The following FER1L6 variants were observed in gnomAD, a reference collection of about 807,000 sequenced individuals.
The protein encoded by FER1L6 is fer-1 like family member 6, also known as fer-1-like protein 6.
Under a neutral mutation model 219.2 loss-of-function variants are expected in FER1L6, and 177 were observed. The observed-to-expected ratio is 0.81, with a 90% CI of 0.71 to 0.91. FER1L6 has a LOEUF of 0.91. FER1L6 is among the 40% of genes least tolerant of loss of function. The probability of loss-of-function intolerance (pLI) is 0.00; values close to 1 mark genes in which losing one functional copy is unlikely to be tolerated. For synonymous variants in FER1L6, 768 were observed against 824.3 expected, an observed-to-expected ratio of 0.93 and a Z score of 1.17; for missense variants, 2,153 against 2,259.9, an observed-to-expected ratio of 0.95 and a Z score of 0.96.
intron 17 of FER1L6, 22 bp from the exon 18 acceptor site, chr8:124,023,422 C>G: frequency 6.2e-7 from 1 of 1,608,132 alleles, no homozygotes; most frequent in African/African-American, 1.3e-5. Context: ...CTATTCAATC[C>G]CAACTCCCTC....
chr8:123,937,238 T>C (rs1366769995), intron 1 of FER1L6, among the ~76,000 whole-genome samples: 1 of 152,218 alleles, frequency 6.6e-6, no homozygotes, highest in African/African-American at 2.4e-5. Context: ...GCTCACTCTA[T>C]CCTAATTCAC....
intron 1 of FER1L6, among the ~76,000 whole-genome samples, chr8:123,895,148 A>T (rs767556106): frequency 3.3e-5 from 5 of 152,256 alleles, no homozygotes; most frequent in Non-Finnish European, 7.3e-5. Context: ...CATGACCTGT[A>T]TCAAGTAATG....
rs776645473 is a variant in FER1L6 at position 124,070,596 on chromosome 8, A to C, written c.3964A>C (p.Lys1322Gln). The C allele has an allele frequency of 2.5e-5, 39 of 1,580,034 alleles. No homozygotes were observed. In the East Asian group the frequency reaches 8.8e-4, roughly 36 times the overall value. Residue 1322 changes from lysine (K) to glutamine (Q), a missense_variant and splice_region_variant, in exon 30 of 41, where the codon AAG becomes CAG. Physicochemically the swap from Lys to Gln is moderately conservative, Grantham distance 53. Transcript: ENST00000522917. ...LDGDRVIGKF[K>Q]GSFCIYKSPQ... Reference sequence around the variant, plus strand: ...TGGAGACCGAGTCATAGGAAAATTTAAGGCAGGTTCCATTTTTAATCCTTT... The same window carrying C: ...TGGAGACCGAGTCATAGGAAAATTTCAGGCAGGTTCCATTTTTAATCCTTT...
chr8:124,090,316 C>T (rs1821975939), intron 33 of FER1L6, among the ~76,000 whole-genome samples: 1 of 152,164 alleles, frequency 6.6e-6, no homozygotes, highest in Non-Finnish European at 1.5e-5. Flanking sequence ...TTTCCAAGTG[C>T]CTGAGAGAAT....
At chr8:124,088,891 T>C (rs536177447) in intron 33 of FER1L6, among the ~76,000 whole-genome samples, 1 of 152,046 alleles carries the variant, frequency 6.6e-6, no homozygotes, top group Admixed American at 6.5e-5. Flanking sequence ...AAAATCCTCT[T>C]TGCTCTTCCT....
chr8:124,089,952 C>T (rs1821955660), intron 33 of FER1L6, among the ~76,000 whole-genome samples: 1 of 152,098 alleles, frequency 6.6e-6, no homozygotes, highest in Non-Finnish European at 1.5e-5. Context: ...AATTTGCCTT[C>T]CTGAATTTTA....
chr8:124,095,086 T>G, intron 35 of FER1L6, 48 bp downstream of exon 35: 1 of 1,606,200 alleles, frequency 6.2e-7, no homozygotes, highest in Non-Finnish European at 8.5e-7. Flanking sequence ...TTGTGTACTG[T>G]AGAGTAATGG....
intron 1 of FER1L6, among the ~76,000 whole-genome samples, chr8:123,866,005 C>T (rs139758266): frequency 0.011 from 1,549 of 142,268 alleles, 103 homozygotes; most frequent in African/African-American, 0.04. Flanking sequence ...TGGCTCCTCC[C>T]CCCCACATTT....
At chr8:124,049,847 C>T in intron 22 of FER1L6, 91 bp downstream of exon 22, 5 of 1,328,768 alleles carry the variant, frequency 3.8e-6, no homozygotes, top group Non-Finnish European at 4.3e-6. Context: ...GAAGCTGTGC[C>T]TGATCCCTCG....
chr8:123,905,110 A>G lies in FER1L6; in HGVS notation c.-7-50882A>G, dbSNP rs1247136120. Among the ~76,000 whole-genome samples the G allele has an allele frequency of 3.3e-4, 50 of 152,190 alleles. 1 individual carries two copies. The highest frequency in any genetic ancestry group is 2.9e-5 in the Non-Finnish European group (2 of 68,030). Reference sequence around the variant, plus strand: ...ATTTTTTTTTATTTTAAGTTCCAGGAAACATGTGCAAGACGTGCAGGTTTG... The same window carrying G: ...ATTTTTTTTTATTTTAAGTTCCAGGGAACATGTGCAAGACGTGCAGGTTTG... On this transcript the variant is annotated intron_variant, in intron 1 of 40. Transcript: ENST00000522917.
chr8:123,902,156 T>C (rs1812870873), intron 1 of FER1L6, among the ~76,000 whole-genome samples: 1 of 152,218 alleles, frequency 6.6e-6, no homozygotes, highest in Admixed American at 6.5e-5. Context: ...TTTATTCCAC[T>C]GTGGTCTGAG....
intron 1 of FER1L6, among the ~76,000 whole-genome samples, chr8:123,871,675 C>T (rs1816926194): frequency 6.6e-6 from 1 of 152,144 alleles, no homozygotes. Flanking sequence ...ATAGATACCT[C>T]AAGGAGGTAA....
At chr8:124,015,607 A>ATATATATATATATATGTATGTATG (rs71289634) in intron 15 of FER1L6, among the ~76,000 whole-genome samples, 8 of 88,596 alleles carry the variant, frequency 9.0e-5, no homozygotes, top group African/African-American at 3.4e-4. Context: ...ATATATATAT[A>ATATATATATATATATGTATGTATG]TATATATATT....
intron 1 of FER1L6, among the ~76,000 whole-genome samples, chr8:123,903,700 C>G (rs1212995072): frequency 6.6e-6 from 1 of 152,078 alleles, no homozygotes; most frequent in African/African-American, 2.4e-5. Flanking sequence ...GAAGTCTACG[C>G]TTACGTATGT....
intron 1 of FER1L6, among the ~76,000 whole-genome samples, chr8:123,926,201 G>C (rs2129879143): frequency 6.6e-6 from 1 of 152,332 alleles, no homozygotes; most frequent in East Asian, 1.9e-4. Context: ...GACTTGGGAT[G>C]CTGGGCATAC....
At chr8:123,968,464 G>A (rs1815656178) in intron 5 of FER1L6, among the ~76,000 whole-genome samples, 1 of 152,186 alleles carries the variant, frequency 6.6e-6, no homozygotes, top group Non-Finnish European at 1.5e-5. Context: ...TGGCCAGGAG[G>A]TCTCGGAAGC....
chr8:123,895,144 C>G (rs893990932), intron 1 of FER1L6, among the ~76,000 whole-genome samples: 1 of 152,156 alleles, frequency 6.6e-6, no homozygotes, highest in African/African-American at 2.4e-5. Flanking sequence ...GATGCATGAC[C>G]TGTATCAAGT....
At chr8:124,015,145 G>A (rs1242835794) in intron 15 of FER1L6, among the ~76,000 whole-genome samples, 1 of 152,096 alleles carries the variant, frequency 6.6e-6, no homozygotes, top group Non-Finnish European at 1.5e-5. Context: ...ATCCTAGCAA[G>A]ACAGAAGTCA....
At chr8:123,993,140 T>C (rs765099283) in intron 12 of FER1L6, among the ~76,000 whole-genome samples, 3 of 152,206 alleles carry the variant, frequency 2.0e-5, no homozygotes, top group African/African-American at 4.8e-5. Context: ...TTCCCTGTGC[T>C]GATAAGAAGA....
Sources: gnomAD v4.1 joint callset for allele counts (sites outside exome capture counted in the v4.1 genomes callset) on GRCh38, gnomAD v4.1.1 for gene constraint, MANE v1.5 for transcripts, NCBI Gene and HGNC (gene_info 2026-07-23, HGNC 2026-07-21) for gene names.